The following TMC1 variants were observed in gnomAD, a reference collection of about 807,000 sequenced individuals.
TMC1 encodes the protein transmembrane channel-like protein 1.
In TMC1, 84 loss-of-function variants were observed where a neutral mutation model predicts 105.8. The observed-to-expected ratio is 0.79, with a 90% CI of 0.67 to 0.95. The LOEUF (loss-of-function observed/expected upper bound fraction) is 0.95. Among genes scored for constraint, TMC1 ranks in the 40% least tolerant of loss-of-function variants. The pLI is 0.00. For synonymous variants in TMC1, 315 were observed against 311.5 expected (o/e 1.01, Z -0.12); for missense variants, 817 against 914.1 (o/e 0.89, Z 1.37).
chr9:72,565,081 T>C (rs1483228238), intron 1 of TMC1, among the ~76,000 whole-genome samples: 1 of 152,220 alleles, frequency 6.6e-6, no homozygotes, highest in Non-Finnish European at 1.5e-5. Flanking sequence ...AGAAGTGATT[T>C]ACTCAGTATT....
At position 72,607,102 on chromosome 9, in the gene TMC1, A is replaced by G. The variant is rs552795272; in HGVS notation, c.-305-9266A>G. ...TATTTGTTTCCTCTTTTTATCATCC[A>G]GAACATGGTGTAATGCCCAATACAT... On this transcript the variant is annotated intron_variant, in intron 2 of 23. Transcript: ENST00000297784. Among the ~76,000 whole-genome samples, 3 of 152,168 alleles carry G rather than the reference A, an allele frequency of 2.0e-5. No homozygotes were observed. In the East Asian group the frequency reaches 5.8e-4, roughly 29 times the overall value.
intron 12 of TMC1, among the ~76,000 whole-genome samples, chr9:72,758,385 A>G (rs1038043017): frequency 6.6e-6 from 1 of 152,186 alleles, no homozygotes; most frequent in African/African-American, 2.4e-5. Flanking sequence ...TAACAACAAG[A>G]AAAAAATGTA....
chr9:72,773,265 C>T (rs1187739944), intron 13 of TMC1, among the ~76,000 whole-genome samples: 1 of 152,012 alleles, frequency 6.6e-6, no homozygotes, highest in Non-Finnish European at 1.5e-5. Flanking sequence ...AACTAGTTTA[C>T]GAGAAGAGTT....
chr9:72,826,528 CT>C (rs1310811451), intron 20 of TMC1, among the ~76,000 whole-genome samples: 1 of 152,172 alleles, frequency 6.6e-6, no homozygotes, highest in African/African-American at 2.4e-5. Flanking sequence ...GAGTGTTCTC[CT>C]ACAAGAGCAG....
intron 1 of TMC1, among the ~76,000 whole-genome samples, chr9:72,560,017 G>A (rs1824017813): frequency 6.6e-6 from 1 of 152,160 alleles, no homozygotes; most frequent in Non-Finnish European, 1.5e-5. Context: ...TATGTTAGAA[G>A]GAGCCTCTGG....
At chr9:72,663,867 G>A (rs956269693) in intron 5 of TMC1, among the ~76,000 whole-genome samples, 7 of 151,976 alleles carry the variant, frequency 4.6e-5, no homozygotes, top group African/African-American at 1.7e-4. Context: ...TATTCTATAA[G>A]TGCTTTCTAT....
rs71495328 is a variant in TMC1 at position 72,650,872 on chromosome 9, T to TTATATATATATA, written c.16+2218_16+2219insTATATATATATA. Among the ~76,000 whole-genome samples, 183 of 119,772 alleles carry TTATATATATATA rather than the reference T, an allele frequency of 1.5e-3. 9 individuals carry two copies. The highest frequency in any genetic ancestry group is 4.9e-3 in the African/African-American group (146 of 29,642). 78.6% of individuals were successfully genotyped at this position (119,772 alleles called of 152,430 possible). ...GCTGCATGGTATTTCATGGTGTATT[T>TTATATATATATA]TATATATATAGATATATAGATATAT... On this transcript the variant is annotated intron_variant, in intron 5 of 23. Transcript: ENST00000297784.
At chr9:72,524,122 C>T (rs1823362249) in intron 1 of TMC1, among the ~76,000 whole-genome samples, 1 of 152,184 alleles carries the variant, frequency 6.6e-6, no homozygotes, top group Non-Finnish European at 1.5e-5. Context: ...TTTATTTCTT[C>T]ACCTAGCCTG....
intron 1 of TMC1, among the ~76,000 whole-genome samples, chr9:72,537,553 CTCAA>C (rs2132061730): frequency 6.6e-6 from 1 of 152,292 alleles, no homozygotes; most frequent in African/African-American, 2.4e-5. Flanking sequence ...TGAGACAGGT[CTCAA>C]TCAATGTAAG....
Position 72,650,872 on chromosome 9 carries a change from T to TTATATATATA in TMC1, c.16+2209_16+2218dup, listed in dbSNP as rs71495328. Among the ~76,000 whole-genome samples the TTATATATATA allele has an allele frequency of 4.0e-3, 478 of 119,674 alleles. 12 individuals carry two copies. The highest frequency in any genetic ancestry group is 0.013 in the African/African-American group (393 of 29,524). The allele number at this position is 119,674 out of a possible 152,430, so 78.5% of individuals were successfully genotyped here. ...GCTGCATGGTATTTCATGGTGTATT[T>TTATATATATA]TATATATATAGATATATAGATATAT... On this transcript the variant is annotated intron_variant, in intron 5 of 23. Transcript: ENST00000297784.
At chr9:72,743,036 G>T (rs1827417397) in intron 10 of TMC1, among the ~76,000 whole-genome samples, 1 of 152,134 alleles carries the variant, frequency 6.6e-6, no homozygotes, top group South Asian at 2.1e-4. Context: ...AGGAGTTCGA[G>T]ACCAGCCTGG....
chr9:72,522,624 A>C (rs1205812785), intron 1 of TMC1, among the ~76,000 whole-genome samples: 1 of 152,204 alleles, frequency 6.6e-6, no homozygotes, highest in Non-Finnish European at 1.5e-5. Context: ...GGTGTAAGCC[A>C]CCTTTACCTC....
At chr9:72,728,963 A>G (rs1436483800) in intron 8 of TMC1, among the ~76,000 whole-genome samples, 2 of 152,086 alleles carry the variant, frequency 1.3e-5, no homozygotes, top group African/African-American at 4.8e-5. Context: ...AGATGCTGGC[A>G]TGACCTCTAG....
intron 8 of TMC1, among the ~76,000 whole-genome samples, chr9:72,726,169 T>G (rs1166124753): frequency 6.6e-6 from 1 of 152,188 alleles, no homozygotes; most frequent in African/African-American, 2.4e-5. Flanking sequence ...CAAGATTCCC[T>G]TTTATAGTTA....
rs1245162049 is a variant in TMC1, at chr9:72,614,449, A to ATGTC, written c.-305-1917_-305-1914dup. ...AGTTAAATGTGGTGATGTTAAAGCAATGTCTATACACTGGCAAAAATCAGA... is the reference window on the plus strand; with the variant it reads ...AGTTAAATGTGGTGATGTTAAAGCAATGTCTGTCTATACACTGGCAAAAATCAGA... On this transcript the variant is annotated intron_variant, in intron 2 of 23. Coordinates refer to ENST00000297784, the MANE Select transcript of TMC1 (RefSeq NM_138691.3). Among the ~76,000 whole-genome samples, 5 of 152,178 alleles carry ATGTC rather than the reference A, an allele frequency of 3.3e-5. No homozygotes were observed. In the East Asian group the frequency reaches 5.8e-4, roughly 18 times the overall value.
At chr9:72,658,141 G>A (rs562999506) in intron 5 of TMC1, among the ~76,000 whole-genome samples, 1 of 152,156 alleles carries the variant, frequency 6.6e-6, no homozygotes, top group East Asian at 1.9e-4. Flanking sequence ...ACAACAAAAA[G>A]TGTAATAGAC....
chr9:72,631,572 A>G (rs180897951), intron 4 of TMC1, among the ~76,000 whole-genome samples: 4 of 152,320 alleles, frequency 2.6e-5, no homozygotes, highest in African/African-American at 9.6e-5. Context: ...TTTGCAAACT[A>G]TATCTCTCAG....
At chr9:72,659,993 C>T (rs577465320) in intron 5 of TMC1, among the ~76,000 whole-genome samples, 7 of 152,092 alleles carry the variant, frequency 4.6e-5, no homozygotes, top group Admixed American at 1.3e-4. Context: ...TCATTTTCTA[C>T]CCCTGAGTGC....
intron 8 of TMC1, among the ~76,000 whole-genome samples, chr9:72,725,857 AT>A (rs899186291): frequency 6.6e-6 from 1 of 151,654 alleles, no homozygotes. Context: ...TGCCCGGCTA[AT>A]TTTTTGTATT....
Sources: allele counts gnomAD v4.1 joint callset (sites outside exome capture counted in the v4.1 genomes callset), GRCh38; gene constraint gnomAD v4.1.1; transcripts MANE v1.5; gene names NCBI Gene and HGNC (gene_info 2026-07-23, HGNC 2026-07-21).